The following ZPBP2 variants were observed in gnomAD, a reference collection of about 807,000 sequenced individuals.
ZPBP2 encodes zona pellucida binding protein 2.
In ZPBP2, 34 loss-of-function variants were observed where a neutral mutation model predicts 37.5. The ratio of observed to expected loss-of-function variants is 0.91; its 90% confidence interval spans 0.69 to 1.21. ZPBP2 has a LOEUF of 1.21. Ranked by LOEUF, ZPBP2 falls within the 50% of genes most tolerant of loss-of-function variation. The pLI, the probability that ZPBP2 is intolerant of heterozygous loss-of-function variation, is 0.00. For missense variants in ZPBP2, 397 were observed against 413.5 expected, an observed-to-expected ratio of 0.96 and a Z score of 0.35; for synonymous variants, 143 against 138.4, an observed-to-expected ratio of 1.03 and a Z score of -0.23.
In ZPBP2 at chr17:39,873,036, C is replaced by G; in HGVS notation, c.626-8C>G. Reference sequence around the variant, plus strand: ...CCTTTGTGAGTCTATCATTTTTTTTCTCTTCAGTTAATCCTTTTGCGCCGG... The same window carrying G: ...CCTTTGTGAGTCTATCATTTTTTTTGTCTTCAGTTAATCCTTTTGCGCCGG... On this transcript the variant is annotated splice_region_variant and splice_polypyrimidine_tract_variant and intron_variant, in intron 5 of 7. Transcript: ENST00000348931. 1 of 1,607,068 alleles carries G rather than the reference C, an allele frequency of 6.2e-7. No homozygotes were observed. Among genetic ancestry groups the G allele is most frequent in the South Asian group, 1.1e-5 (1 of 89,682 alleles).
At chr17:39,869,426 T>G (rs1480493705) in intron 2 of ZPBP2, among the ~76,000 whole-genome samples, 1 of 140,178 alleles carries the variant, frequency 7.1e-6, no homozygotes, top group Non-Finnish European at 1.5e-5. Context: ...TTTTTTTTTT[T>G]GACAGTCTCA....
In ZPBP2 at chr17:39,868,213, C is replaced by T. The variant is rs2063343908; in HGVS notation, c.-142C>T. 2.3e-6 allele frequency: 2 copies of T among 880,914 alleles called. No individual in the cohort carries two copies. Among genetic ancestry groups the T allele is most frequent in the Non-Finnish European group, 3.4e-6 (2 of 588,402 alleles). The allele number at this position is 880,914 out of a possible 1,614,324, so 54.6% of individuals were successfully genotyped here. On this transcript the variant is annotated 5_prime_UTR_variant, in exon 1 of 8. Coordinates refer to ENST00000348931, the MANE Select transcript of ZPBP2 (RefSeq NM_199321.3). ...GCACGCGTTCTCCTGCGCGTCCGCT[C>T]CCGCCGTTGCGACGGACGGGTAGGG...
chr17:39,872,503 ATTTCT>A lies in ZPBP2; in HGVS notation c.625+18_625+22del. ...AGCATTTCAAGGTAAAATTTTTAAA[ATTTCT>A]TTAATTTTGAATTTAGTCCTGAACC... On this transcript the variant is annotated intron_variant, in intron 5 of 7. Coordinates refer to ENST00000348931, the MANE Select transcript of ZPBP2 (RefSeq NM_199321.3). 6.6e-7 allele frequency: 1 copy of A among 1,514,966 alleles called. No homozygotes were observed. Among genetic ancestry groups the A allele is most frequent in the Non-Finnish European group, 8.9e-7 (1 of 1,126,716 alleles). The allele number at this position is 1,514,966 out of a possible 1,614,324, so 93.8% of individuals were successfully genotyped here.
rs1262179322 is a variant in ZPBP2 at position 39,868,619 on chromosome 17, T to C, written c.118+5T>C. 1 of 1,613,952 alleles carries C rather than the reference T, an allele frequency of 6.2e-7. No individual in the cohort carries two copies. Among genetic ancestry groups the C allele is most frequent in the South Asian group, 1.1e-5 (1 of 91,072 alleles). On this transcript the variant is annotated splice_donor_5th_base_variant and intron_variant, in intron 2 of 7. Transcript: ENST00000348931. ...ATGGCAAGACAGGACAGCCAGGTAA[T>C]AAGGGCCTCTGCACACGCGGGCCCA...
chr17:39,868,459 G>C lies in ZPBP2; in HGVS notation c.52+53G>C. On this transcript the variant is annotated intron_variant, in intron 1 of 7. Coordinates refer to ENST00000348931, the MANE Select transcript of ZPBP2 (RefSeq NM_199321.3). Reference sequence around the variant, plus strand: ...GCCTCTCCCTCTGCCCGAGCTTCCCGGTCCTGCCTCCTTCGCCTCGCCCTG... The same window carrying C: ...GCCTCTCCCTCTGCCCGAGCTTCCCCGTCCTGCCTCCTTCGCCTCGCCCTG... The C allele has an allele frequency of 1.9e-6, 3 of 1,612,170 alleles. 1 individual carries two copies. Among genetic ancestry groups the C allele is most frequent in the East Asian group, 2.2e-5 (1 of 44,858 alleles).
Position 39,868,529 on chromosome 17 carries a change from G to A in ZPBP2, c.53-20G>A, listed in dbSNP as rs764835435. On this transcript the variant is annotated intron_variant, in intron 1 of 7. Coordinates refer to ENST00000348931, the MANE Select transcript of ZPBP2 (RefSeq NM_199321.3). ...CTGCTCCTCTTCTAACTAAAAGTCA[G>A]TGTTTTATTTCCTCCGCAGTCCAAT... 11 of 1,614,036 alleles carry A rather than the reference G, an allele frequency of 6.8e-6. No individual in the cohort carries two copies. In the African/African-American group the frequency reaches 1.3e-4, roughly 20 times the overall value.
intron 5 of ZPBP2, 28 bp from the exon 6 acceptor site, chr17:39,873,016 G>T (rs753321198): frequency 1.2e-6 from 2 of 1,602,624 alleles, no homozygotes; most frequent in Non-Finnish European, 8.5e-7. Flanking sequence ...GAATCCCTTT[G>T]TGAGTCTATC....
intron 6 of ZPBP2, among the ~76,000 whole-genome samples, chr17:39,874,221 G>A (rs2063379063): frequency 6.6e-6 from 1 of 151,982 alleles, no homozygotes; most frequent in African/African-American, 2.4e-5. Flanking sequence ...TCAAACTCCT[G>A]ACCTCAAGTC....
At position 39,868,633 on chromosome 17, in the gene ZPBP2, C is replaced by T. The variant is rs540984749; in HGVS notation, c.118+19C>T. On this transcript the variant is annotated intron_variant, in intron 2 of 7. Coordinates refer to ENST00000348931, the MANE Select transcript of ZPBP2 (RefSeq NM_199321.3). ...CAGCCAGGTAATAAGGGCCTCTGCACACGCGGGCCCATTGGAGGGGCCGGA... is the reference window on the plus strand; with the variant it reads ...CAGCCAGGTAATAAGGGCCTCTGCATACGCGGGCCCATTGGAGGGGCCGGA... The T allele has an allele frequency of 8.7e-6, 14 of 1,613,920 alleles. No homozygotes were observed. The South Asian group carries it at 1.3e-4, about 15-fold the overall frequency.
chr17:39,874,770 G>C (rs753424691), intron 6 of ZPBP2, among the ~76,000 whole-genome samples: 1 of 151,826 alleles, frequency 6.6e-6, no homozygotes, highest in Non-Finnish European at 1.5e-5. Context: ...TATTTTTTCT[G>C]AGACGGGGTC....
chr17:39,868,205 C>G lies in ZPBP2; in HGVS notation c.-150C>G. 2 of 786,152 alleles carry G rather than the reference C, an allele frequency of 2.5e-6. No homozygotes were observed. Among genetic ancestry groups the G allele is most frequent in the Non-Finnish European group, 3.9e-6 (2 of 508,624 alleles). 48.7% of individuals were successfully genotyped at this position (786,152 alleles called of 1,614,324 possible). A position where few individuals can be genotyped will look rare whatever the true frequency, so the allele number is the denominator to read the frequency against. On this transcript the variant is annotated 5_prime_UTR_variant, in exon 1 of 8. Coordinates refer to ENST00000348931, the MANE Select transcript of ZPBP2 (RefSeq NM_199321.3). ...CGAAGCACGCACGCGTTCTCCTGCG[C>G]GTCCGCTCCCGCCGTTGCGACGGAC...
At chr17:39,874,725 G>C (rs1163488151) in intron 6 of ZPBP2, among the ~76,000 whole-genome samples, 1 of 150,208 alleles carries the variant, frequency 6.7e-6, no homozygotes, top group Non-Finnish European at 1.5e-5. Flanking sequence ...GAGCCACCAC[G>C]CCCAGCCTAA....
chr17:39,870,777 C>G lies in ZPBP2; in HGVS notation c.202C>G (p.Pro68Ala), dbSNP rs35591738. 9.7e-3 allele frequency: 15,189 copies of G among 1,564,294 alleles called. 105 individuals carry two copies. Among genetic ancestry groups the G allele is most frequent in the Non-Finnish European group, 0.012 (13,641 of 1,148,208 alleles). ...FKLSKKEIVD[P>A]TYLWIGPNEK... ...GCTTTCTAAAAAAGAAATAGTGGAC[C>G]CCACCTACTTATGGATTGGGCCTAA... The change falls in exon 3 of 8, where the codon CCC (proline) becomes GCC (alanine). Residue 68 changes from proline to alanine, a missense_variant. By Grantham distance (27) the Pro-to-Ala change is conservative. Transcript: ENST00000348931.
chr17:39,871,365 A>G (rs949438719), intron 3 of ZPBP2, 99 bp from the exon 4 acceptor site: 3 of 775,988 alleles, frequency 3.9e-6, no homozygotes, highest in Non-Finnish European at 5.7e-6. Flanking sequence ...GAGATAGTTC[A>G]TTAATTTTTA....
chr17:39,870,945 G>C (rs2063362254), intron 3 of ZPBP2, 126 bp downstream of exon 3: 25 of 862,156 alleles, frequency 2.9e-5, no homozygotes, highest in Non-Finnish European at 3.9e-5. Flanking sequence ...TCCCTACTTA[G>C]AAAAATCATG....
chr17:39,869,439 C>G (rs928925800), intron 2 of ZPBP2, among the ~76,000 whole-genome samples: 5 of 131,056 alleles, frequency 3.8e-5, no homozygotes, highest in African/African-American at 5.8e-5. Flanking sequence ...CAGTCTCACT[C>G]TGTCACCCAG....
chr17:39,870,756 T>A lies in ZPBP2; in HGVS notation c.181T>A (p.Ser61Thr). The change falls in exon 3 of 8, where the codon TCT becomes ACT. Residue 61 changes from serine to threonine, a missense_variant. Ser to Thr is a moderately conservative substitution (Grantham distance 58). Transcript: ENST00000348931. ...CCTTATCTGTATGGATTTTAAGCTT[T>A]CTAAAAAAGAAATAGTGGACCCCAC... ...PVLICMDFKL[S>T]KKEIVDPTYL... is the part of the protein sequence containing the mutation. The A allele has an allele frequency of 6.4e-7, 1 of 1,573,334 alleles. No homozygotes were observed. The highest frequency in any genetic ancestry group is 8.7e-7 in the Non-Finnish European group (1 of 1,153,086).
rs2063361185 is a variant in ZPBP2 at position 39,870,732 on chromosome 17, C to G, written c.157C>G (p.Leu53Val). Residue 53 changes from leucine to valine, a missense_variant, in exon 3 of 8, where the codon CTT becomes GTT. Leu to Val is a conservative substitution (Grantham distance 32). Coordinates refer to ENST00000348931, the MANE Select transcript of ZPBP2 (RefSeq NM_199321.3). ...YVELHQNSPV[L>V]ICMDFKLSKK... Reference sequence around the variant, plus strand: ...AGAGTTACATCAAAATAGTCCAGTCCTTATCTGTATGGATTTTAAGCTTTC... The same window carrying G: ...AGAGTTACATCAAAATAGTCCAGTCGTTATCTGTATGGATTTTAAGCTTTC... The G allele has an allele frequency of 1.3e-6, 2 of 1,545,958 alleles. No individual in the cohort carries two copies. The highest frequency in any genetic ancestry group is 2.3e-5 in the East Asian group (1 of 44,070).
chr17:39,870,577 A>G, intron 2 of ZPBP2, 117 bp from the exon 3 acceptor site: 1 of 568,378 alleles, frequency 1.8e-6, no homozygotes, highest in Non-Finnish European at 2.7e-6. Flanking sequence ...ATTGATTTTT[A>G]AAATAGTGAA....
Sources: gnomAD v4.1 joint callset for allele counts (sites outside exome capture counted in the v4.1 genomes callset) on GRCh38, gnomAD v4.1.1 for gene constraint, MANE v1.5 for transcripts, NCBI Gene and HGNC (gene_info 2026-07-23, HGNC 2026-07-21) for gene names.